Variants in LAMB3 observed in about 807,000 individuals in gnomAD.
The protein encoded by LAMB3 is laminin subunit beta 3, also known as laminin subunit beta-3.
LAMB3 carries 104 observed loss-of-function variants against 140.3 expected under a neutral mutation model. The ratio of observed to expected loss-of-function variants is 0.74; its 90% confidence interval spans 0.63 to 0.87. The LOEUF (loss-of-function observed/expected upper bound fraction) is 0.87. Ranked by LOEUF, LAMB3 falls within the 40% of genes least tolerant of loss-of-function variation. The probability of loss-of-function intolerance (pLI) is 0.00; values close to 1 mark genes in which losing one functional copy is unlikely to be tolerated. For missense variants in LAMB3, 1,531 were observed against 1,575.2 expected (o/e 0.97, Z 0.47); for synonymous variants, 592 against 602.9 (o/e 0.98, Z 0.26).
intron 18 of LAMB3, among the ~76,000 whole-genome samples, chr1:209,619,009 A>G (rs888003801): frequency 6.6e-5 from 10 of 152,212 alleles, no homozygotes; most frequent in African/African-American, 4.8e-5. Flanking sequence ...CACATGCACA[A>G]TCAGCCCTAA....
chr1:209,632,871 C>CGTAT (rs1666745859), intron 7 of LAMB3, 95 bp from the exon 8 acceptor site: 1 of 1,269,812 alleles, frequency 7.9e-7, no homozygotes, highest in African/African-American at 1.5e-5. Context: ...TATGTGATAC[C>CGTAT]GTGGGCCATC....
chr1:209,622,857 G>T, intron 17 of LAMB3, 125 bp downstream of exon 17: 1 of 1,346,630 alleles, frequency 7.4e-7, no homozygotes, highest in Non-Finnish European at 1.1e-6. Context: ...CACTTGCTGT[G>T]GCACCTTAAG....
At chr1:209,645,944 C>A (rs372548116) in intron 3 of LAMB3, among the ~76,000 whole-genome samples, 1 of 152,122 alleles carries the variant, frequency 6.6e-6, no homozygotes, top group Non-Finnish European at 1.5e-5. Flanking sequence ...CATGCATGTG[C>A]GCCTGCGCGT....
In LAMB3 at chr1:209,634,592, C is replaced by G; in HGVS notation, c.419G>C (p.Gly140Ala). Residue 140 changes from glycine to alanine, a missense_variant, in exon 6 of 23, where the codon GGT becomes GCT. Physicochemically the swap from Gly to Ala is moderately conservative, Grantham distance 60. Coordinates refer to ENST00000356082, the MANE Select transcript of LAMB3 (RefSeq NM_000228.3). ...GTACTGGTACACTCGCCAGGTCTTA[C>G]CGAAGTCTGAGGAGCGCTCAATCAG... ...GMLIERSSDF[G>A]KTWRVYQYLA... 2 of 1,614,090 alleles carry G rather than the reference C, an allele frequency of 1.2e-6. No individual in the cohort carries two copies. The highest frequency in any genetic ancestry group is 1.3e-5 in the African/African-American group (1 of 75,026).
At position 209,618,031 on chromosome 1, in the gene LAMB3, A is replaced by G. The variant is rs768471993; in HGVS notation, c.2927T>C (p.Val976Ala). 1 of 1,613,978 alleles carries G rather than the reference A, an allele frequency of 6.2e-7. No homozygotes were observed. The highest frequency in any genetic ancestry group is 8.5e-7 in the Non-Finnish European group (1 of 1,180,014). Residue 976 changes from valine (V) to alanine (A), a missense_variant, in exon 20 of 23, where the codon GTG becomes GCG. Transcript: ENST00000356082. ...AACCACATCTTCCACCTGGCCCTCC[A>G]CTGCATGGGCTCGGCTCCTGGGTGA... ...AEEARSRAHA[V>A]EGQVEDVVGN... is the part of the protein sequence containing the mutation.
Position 209,616,629 on chromosome 1 carries a change from A to C in LAMB3, c.3229-5T>G. The C allele has an allele frequency of 6.2e-7, 1 of 1,614,142 alleles. No homozygotes were observed. The highest frequency in any genetic ancestry group is 8.5e-7 in the Non-Finnish European group (1 of 1,179,990). On this transcript the variant is annotated splice_polypyrimidine_tract_variant and splice_region_variant and intron_variant, in intron 21 of 22. Coordinates refer to ENST00000356082, the MANE Select transcript of LAMB3 (RefSeq NM_000228.3). ...TTGTTTTATTCTCTCAAATCCCTGAAAAAGGTAGAATAGTCTCAGTGTCAT... is the reference window on the plus strand; with the variant it reads ...TTGTTTTATTCTCTCAAATCCCTGACAAAGGTAGAATAGTCTCAGTGTCAT...
intron 10 of LAMB3, among the ~76,000 whole-genome samples, chr1:209,629,130 G>A (rs1036663352): frequency 1.3e-5 from 2 of 152,116 alleles, no homozygotes; most frequent in South Asian, 2.1e-4. Flanking sequence ...AAACCTGCCC[G>A]AATCTGATTG....
At position 209,627,520 on chromosome 1, in the gene LAMB3, G is replaced by A. The variant is rs200895463; in HGVS notation, c.1348C>T (p.Arg450Cys). Reference sequence around the variant, plus strand: ...ACCACGTTGGGCAGACAAAGGCAGCGCCCACTCTCCTCGTCACACGGCATG... The same window carrying A: ...ACCACGTTGGGCAGACAAAGGCAGCACCCACTCTCCTCGTCACACGGCATG... ...RDMPCDEESG[R>C]CLCLPNVVGP... is the part of the protein sequence containing the mutation. The change falls in exon 12 of 23, where the codon CGC (arginine) becomes TGC (cysteine). Residue 450 changes from arginine to cysteine, a missense_variant. Coordinates refer to ENST00000356082, the MANE Select transcript of LAMB3 (RefSeq NM_000228.3). The A allele has an allele frequency of 8.6e-5, 139 of 1,614,014 alleles. No homozygotes were observed. The East Asian group carries it at 2.1e-3, about 25-fold the overall frequency.
intron 7 of LAMB3, 24 bp from the exon 8 acceptor site, chr1:209,632,800 G>C (rs755293475): frequency 5.0e-6 from 8 of 1,605,906 alleles, no homozygotes; most frequent in Non-Finnish European, 6.8e-6. Flanking sequence ...ACAGCAAGGA[G>C]GGAAGAGTTG....
At chr1:209,649,661 T>C (rs1463002549) in intron 3 of LAMB3, among the ~76,000 whole-genome samples, 1 of 152,226 alleles carries the variant, frequency 6.6e-6, no homozygotes, top group Non-Finnish European at 1.5e-5. Context: ...ATTTGCCTAT[T>C]CCCAAGACTT....
Position 209,623,707 on chromosome 1 carries a change from C to T in LAMB3, c.2156G>A (p.Ser719Asn), listed in dbSNP as rs1420376405. The T allele has an allele frequency of 6.2e-7, 1 of 1,614,096 alleles. No individual in the cohort carries two copies. Among genetic ancestry groups the T allele is most frequent in the East Asian group, 2.2e-5 (1 of 44,874 alleles). The change falls in exon 16 of 23, where the codon AGC (serine) becomes AAC (asparagine). Residue 719 changes from serine to asparagine, a missense_variant. Physicochemically the swap from Ser to Asn is conservative, Grantham distance 46. Coordinates refer to ENST00000356082, the MANE Select transcript of LAMB3 (RefSeq NM_000228.3). The surrounding 1 kb of genome is among the most constrained non-coding windows in gnomAD (Gnocchi z 4.2). ...CTGGGCTGACTGCTCGTAGGCTGTGCTCAGCATCCGGAAGGCTCCTGTGGC... is the reference window on the plus strand; with the variant it reads ...CTGGGCTGACTGCTCGTAGGCTGTGTTCAGCATCCGGAAGGCTCCTGTGGC... ...ADPSGAFRML[S>N]TAYEQSAQAA...
At chr1:209,626,773 C>G in intron 13 of LAMB3, 94 bp downstream of exon 13, 1 of 881,180 alleles carries the variant, frequency 1.1e-6, no homozygotes, top group Non-Finnish European at 1.9e-6. Context: ...TACAGGACAT[C>G]CTGCCCTGCT....
intron 3 of LAMB3, among the ~76,000 whole-genome samples, chr1:209,639,792 G>A (rs1038651463): frequency 2.6e-5 from 4 of 151,992 alleles, no homozygotes; most frequent in African/African-American, 9.7e-5. Context: ...ACTGTCCAGA[G>A]GGCTCCAGAT....
intron 4 of LAMB3, 120 bp from the exon 5 acceptor site, chr1:209,638,101 ACT>A: frequency 1.2e-6 from 1 of 815,706 alleles, no homozygotes; most frequent in South Asian, 1.4e-5. Context: ...GATTTTCCAA[ACT>A]CCCTCTTGGA....
In LAMB3 at chr1:209,623,678, C is replaced by A; in HGVS notation, c.2185G>T (p.Ala729Ser). Residue 729 changes from alanine (A) to serine (S), a missense_variant, in exon 16 of 23, where the codon GCT becomes TCT. By Grantham distance (99) the Ala-to-Ser change is moderately conservative. Coordinates refer to ENST00000356082, the MANE Select transcript of LAMB3 (RefSeq NM_000228.3). The surrounding 1 kb of genome is among the most constrained non-coding windows in gnomAD (Gnocchi z 4.2). ...CGCGAGCTGTCGGAGACCTGCTGAG[C>A]AGCCTGGGCTGACTGCTCGTAGGCT... is the stretch of plus-strand genomic sequence containing the variant. ...STAYEQSAQA[A>S]QQVSDSSRLL... is the part of the protein sequence containing the mutation. 1 of 1,614,180 alleles carries A rather than the reference C, an allele frequency of 6.2e-7. No individual in the cohort carries two copies. Among genetic ancestry groups the A allele is most frequent in the Non-Finnish European group, 8.5e-7 (1 of 1,180,040 alleles).
chr1:209,615,993 A>G (rs181006241), intron 22 of LAMB3, among the ~76,000 whole-genome samples: 27 of 151,946 alleles, frequency 1.8e-4, no homozygotes, highest in African/African-American at 6.5e-4. Flanking sequence ...GCTTCCCAAC[A>G]CCCTTATCCT....
Position 209,627,406 on chromosome 1 carries a change from AGTT to A in LAMB3, c.1459_1461del (p.Asn487del). On this transcript the variant is annotated inframe_deletion, in exon 12 of 23. Coordinates refer to ENST00000356082, the MANE Select transcript of LAMB3 (RefSeq NM_000228.3). ...ACCTGGTTGCACTGTGGGCTGAGGG[AGTT>A]GTGCGGGTCGCAGGCACACGGTTCA... is the stretch of plus-strand genomic sequence containing the variant. 1 of 1,613,494 alleles carries A rather than the reference AGTT, an allele frequency of 6.2e-7. No individual in the cohort carries two copies. Among genetic ancestry groups the A allele is most frequent in the Non-Finnish European group, 8.5e-7 (1 of 1,179,824 alleles).
chr1:209,625,685 C>T lies in LAMB3; in HGVS notation c.1939G>A (p.Glu647Lys). The change falls in exon 14 of 23, where the codon GAG becomes AAG. Residue 647 changes from glutamate (E) to lysine (K), a missense_variant. Glu to Lys is a moderately conservative substitution (Grantham distance 56). Coordinates refer to ENST00000356082, the MANE Select transcript of LAMB3 (RefSeq NM_000228.3). ...VLSSPAVTEQ[E>K]VAQVASAILS... The stretch of plus-strand genomic sequence containing the variant: ...ATGGCACTGGCCACCTGAGCCACCT[C>T]CTGCTCTGTGACTGCGGGGCTGCTG... 3 of 1,614,170 alleles carry T rather than the reference C, an allele frequency of 1.9e-6. No homozygotes were observed. The highest frequency in any genetic ancestry group is 2.5e-6 in the Non-Finnish European group (3 of 1,180,046).
At chr1:209,622,842 T>A in intron 17 of LAMB3, 140 bp downstream of exon 17, 1 of 1,352,046 alleles carries the variant, frequency 7.4e-7, no homozygotes, top group Non-Finnish European at 1.1e-6. Flanking sequence ...AAAAAAACTA[T>A]CTTGCACTTG....
Sources: gnomAD v4.1 joint callset for allele counts (sites outside exome capture counted in the v4.1 genomes callset) on GRCh38, gnomAD v4.1.1 for gene constraint, Gnocchi (gnomAD v3.1) non-coding constraint, MANE v1.5 for transcripts, NCBI Gene and HGNC (gene_info 2026-07-23, HGNC 2026-07-21) for gene names.